The following PPP2R5E variants were observed in gnomAD, a reference collection of about 807,000 sequenced individuals.
The protein encoded by PPP2R5E is serine/threonine-protein phosphatase 2A 56 kDa regulatory subunit epsilon isoform.
A neutral mutation model predicts 65.3 loss-of-function variants in PPP2R5E; 4 were observed. That is an observed-to-expected ratio of 0.06 (90% confidence interval 0.03 to 0.14). The LOEUF is 0.14. PPP2R5E is among the 10% of genes least tolerant of loss of function. PPP2R5E has a pLI of 1.00. For missense variants in PPP2R5E, 274 were observed against 556.1 expected (o/e 0.49, Z 5.10); for synonymous variants, 183 against 187.4 (o/e 0.98, Z 0.19).
At chr14:63,433,034 T>G (rs867116447) in intron 3 of PPP2R5E, among the ~76,000 whole-genome samples, 5 of 122,664 alleles carry the variant, frequency 4.1e-5, no homozygotes, top group Middle Eastern at 4.1e-3. Flanking sequence ...TTTGTTTTGT[T>G]TTTTTTTTTT....
intron 5 of PPP2R5E, among the ~76,000 whole-genome samples, chr14:63,413,955 T>A (rs541415248): frequency 4.6e-5 from 7 of 152,298 alleles, no homozygotes; most frequent in Admixed American, 3.3e-4. Context: ...CAGGTACTAA[T>A]GAGCCGCACA....
chr14:63,388,254 C>T (rs1269024225), intron 11 of PPP2R5E, among the ~76,000 whole-genome samples: 1 of 152,080 alleles, frequency 6.6e-6, no homozygotes, highest in Non-Finnish European at 1.5e-5. Flanking sequence ...GATTCTCCTG[C>T]CTCAGCTTCC....
intron 8 of PPP2R5E, among the ~76,000 whole-genome samples, chr14:63,392,824 A>C (rs1885101308): frequency 1.3e-5 from 2 of 152,228 alleles, no homozygotes; most frequent in South Asian, 4.1e-4. Flanking sequence ...AACCTTCCCA[A>C]TGGGGGGAAG....
At chr14:63,539,828 A>C in intron 1 of PPP2R5E, 136 bp from the exon 2 acceptor site, 2 of 992,874 alleles carry the variant, frequency 2.0e-6, no homozygotes, top group Non-Finnish European at 2.8e-6. Flanking sequence ...AAATCAGTTA[A>C]GAAAAGTCTT....
At chr14:63,380,710 T>C (rs1177378314) in intron 13 of PPP2R5E, among the ~76,000 whole-genome samples, 2 of 148,134 alleles carry the variant, frequency 1.4e-5, no homozygotes, top group East Asian at 4.9e-4. Context: ...TGGAATAACA[T>C]ATCCCATAAT....
chr14:63,504,707 T>C (rs1268859919), intron 2 of PPP2R5E, among the ~76,000 whole-genome samples: 1 of 152,128 alleles, frequency 6.6e-6, no homozygotes. Flanking sequence ...AGAAAACCTA[T>C]ACCCATGAAA....
intron 5 of PPP2R5E, among the ~76,000 whole-genome samples, chr14:63,401,822 C>T (rs7141704): frequency 0.08 from 12,180 of 152,020 alleles, 624 homozygotes; most frequent in African/African-American, 0.1. Flanking sequence ...AGTGTTTTTC[C>T]ATTCTGCAAG....
At chr14:63,382,859 T>C (rs1884446636) in intron 12 of PPP2R5E, among the ~76,000 whole-genome samples, 1 of 152,200 alleles carries the variant, frequency 6.6e-6, no homozygotes, top group African/African-American at 2.4e-5. Context: ...AGAATTCTAT[T>C]TTCTAAATAA....
chr14:63,433,379 T>C (rs1411855173), intron 3 of PPP2R5E, among the ~76,000 whole-genome samples: 1 of 152,110 alleles, frequency 6.6e-6, no homozygotes, highest in Non-Finnish European at 1.5e-5. Flanking sequence ...ATGGCACCAG[T>C]TGACTAGTGG....
chr14:63,415,775 C>T (rs886418661), intron 4 of PPP2R5E, among the ~76,000 whole-genome samples: 10 of 152,224 alleles, frequency 6.6e-5, no homozygotes, highest in South Asian at 4.1e-4. Context: ...ATTAATTTAA[C>T]CAACCTCCCA....
At chr14:63,527,924 G>GAAA (rs397806689) in intron 2 of PPP2R5E, among the ~76,000 whole-genome samples, 1 of 123,238 alleles carries the variant, frequency 8.1e-6, no homozygotes. Flanking sequence ...GACAATGTAA[G>GAAA]AAAAAAAAAA....
At chr14:63,441,687 A>T (rs1043209643) in intron 3 of PPP2R5E, among the ~76,000 whole-genome samples, 3 of 152,140 alleles carry the variant, frequency 2.0e-5, no homozygotes, top group African/African-American at 7.2e-5. Context: ...CGAGGCGGGC[A>T]GATCATGAGG....
chr14:63,381,355 G>A (rs910596198), intron 13 of PPP2R5E, among the ~76,000 whole-genome samples: 6 of 152,152 alleles, frequency 3.9e-5, no homozygotes, highest in Non-Finnish European at 8.8e-5. Context: ...CATTCCCCCT[G>A]CTATTGGAGT....
At position 63,391,761 on chromosome 14, in the gene PPP2R5E, G is replaced by A. The variant is rs962048764; in HGVS notation, c.954+56C>T. 3.8e-6 allele frequency: 6 copies of A among 1,558,818 alleles called. No homozygotes were observed. In the African/African-American group the frequency reaches 8.2e-5, roughly 21 times the overall value. On this transcript the variant is annotated intron_variant, in intron 10 of 13. Coordinates refer to ENST00000337537, the MANE Select transcript of PPP2R5E (RefSeq NM_006246.5). ...TTTATACATGCTTAGCCCAATCCTT[G>A]GCACTCAGCAAAATATTCAGTAAGC...
At chr14:63,530,630 C>CT (rs954359159) in intron 2 of PPP2R5E, among the ~76,000 whole-genome samples, 4,203 of 81,328 alleles carry the variant, frequency 0.052, 191 homozygotes, top group Non-Finnish European at 0.07. Flanking sequence ...CTCTCAATTT[C>CT]TTTTTTTTTT....
In PPP2R5E at chr14:63,373,024, G is replaced by A. The variant is rs1213373797; in HGVS notation, c.*2985C>T. 1 of 151,920 alleles carries A rather than the reference G, an allele frequency of 6.6e-6. No homozygotes were observed. Among genetic ancestry groups the A allele is most frequent in the Non-Finnish European group, 1.5e-5 (1 of 67,980 alleles). 9.4% of individuals were successfully genotyped at this position (151,920 alleles called of 1,614,324 possible). A position where few individuals can be genotyped will look rare whatever the true frequency, so the allele number is the denominator to read the frequency against. ...ACTCAACACTGAAGGAAAACAACTG[G>A]GGATACTTCACAATGAGAAACAGGA... On this transcript the variant is annotated 3_prime_UTR_variant, in exon 14 of 14. Transcript: ENST00000337537.
chr14:63,496,584 T>C (rs568918764), intron 2 of PPP2R5E, among the ~76,000 whole-genome samples: 1 of 152,202 alleles, frequency 6.6e-6, no homozygotes, highest in African/African-American at 2.4e-5. Flanking sequence ...AGGGAAATAG[T>C]TCAATTTAGA....
chr14:63,387,882 A>G (rs1475274657), intron 11 of PPP2R5E, among the ~76,000 whole-genome samples: 1 of 152,224 alleles, frequency 6.6e-6, no homozygotes, highest in Non-Finnish European at 1.5e-5. Flanking sequence ...ACATGCCAGG[A>G]AAGGCCACGT....
At position 63,404,563 on chromosome 14, in the gene PPP2R5E, A is replaced by AT. The variant is rs146800710; in HGVS notation, c.550-7848dup. Among the ~76,000 whole-genome samples, 1,214 of 152,322 alleles carry AT rather than the reference A, an allele frequency of 8.0e-3. 8 individuals are homozygous for AT. The highest frequency in any genetic ancestry group is 0.03 in the East Asian group (155 of 5,178). ...TGCACTGTATAAAATGAAGCAACCT[A>AT]TGGGGCAAATACTGAGAAAGGACAA... On this transcript the variant is annotated intron_variant, in intron 5 of 13. Transcript: ENST00000337537.
Sources: allele counts gnomAD v4.1 joint callset (sites outside exome capture counted in the v4.1 genomes callset), GRCh38; gene constraint gnomAD v4.1.1; transcripts MANE v1.5; gene names NCBI Gene and HGNC (gene_info 2026-07-23, HGNC 2026-07-21).